Variants in CLNK observed in about 807,000 individuals in gnomAD.
CLNK encodes the protein cytokine-dependent hematopoietic cell linker.
A neutral mutation model predicts 68.6 loss-of-function variants in CLNK; 74 were observed. That is an observed-to-expected ratio of 1.08 (90% confidence interval 0.89 to 1.31). CLNK has a LOEUF of 1.31. CLNK is among the 50% of genes most tolerant of loss of function. CLNK has a pLI of 0.00. For missense variants in CLNK, 553 were observed against 515.3 expected, an observed-to-expected ratio of 1.07 and a Z score of -0.71; for synonymous variants, 198 against 172.2, an observed-to-expected ratio of 1.15 and a Z score of -1.17.
the CLNK span, among the ~76,000 whole-genome samples, chr4:10,720,540 C>A: frequency 6.6e-6 from 1 of 151,502 alleles, no homozygotes; most frequent in Non-Finnish European, 1.5e-5. Flanking sequence ...AATGAGTTAT[C>A]CCTACATACC....
At chr4:10,545,068 G>T (rs1027823045) in intron 8 of CLNK, among the ~76,000 whole-genome samples, 11 of 152,136 alleles carry the variant, frequency 7.2e-5, no homozygotes, top group South Asian at 2.1e-4. Flanking sequence ...TGAAGTTTCA[G>T]CATGAGTTTT....
At chr4:10,584,640 T>C (rs1392469254) in intron 4 of CLNK, among the ~76,000 whole-genome samples, 2 of 152,130 alleles carry the variant, frequency 1.3e-5, no homozygotes, top group Non-Finnish European at 2.9e-5. Flanking sequence ...CTTATACCCA[T>C]TGCACAGATG....
the CLNK span, among the ~76,000 whole-genome samples, chr4:10,721,385 C>A: frequency 1.3e-5 from 2 of 152,128 alleles, no homozygotes; most frequent in African/African-American, 4.8e-5. Flanking sequence ...CTGCATGAGA[C>A]TCTACAATCA....
the CLNK span, among the ~76,000 whole-genome samples, chr4:10,722,569 C>T: frequency 6.6e-6 from 1 of 152,154 alleles, no homozygotes; most frequent in Non-Finnish European, 1.5e-5. Context: ...ATAATGTTAC[C>T]AGTTGAGGGT....
chr4:10,657,140 G>T (rs181150647), intron 2 of CLNK, among the ~76,000 whole-genome samples: 1 of 152,286 alleles, frequency 6.6e-6, no homozygotes, highest in East Asian at 1.9e-4. Flanking sequence ...CTCATAGCTC[G>T]TAACTGGTAG....
chr4:10,568,859 G>A (rs957117646), intron 5 of CLNK, among the ~76,000 whole-genome samples: 1 of 152,178 alleles, frequency 6.6e-6, no homozygotes, highest in South Asian at 2.1e-4. Flanking sequence ...TCCACTGTGC[G>A]ATAATAAATG....
At chr4:10,670,157 G>A (rs1379210323) in intron 1 of CLNK, among the ~76,000 whole-genome samples, 1 of 152,190 alleles carries the variant, frequency 6.6e-6, no homozygotes, top group East Asian at 1.9e-4. Context: ...ACTATGAAAT[G>A]TTATGAAACA....
the CLNK span, among the ~76,000 whole-genome samples, chr4:10,693,062 G>A: frequency 1.4e-4 from 21 of 152,178 alleles, no homozygotes; most frequent in African/African-American, 5.1e-4. Context: ...TTCAGCTGGG[G>A]AAGAAGCACT....
intron 1 of CLNK, among the ~76,000 whole-genome samples, chr4:10,677,779 A>G (rs370001843): frequency 6.6e-6 from 1 of 152,110 alleles, no homozygotes; most frequent in East Asian, 1.9e-4. Flanking sequence ...TCCGTTATAA[A>G]CTACTCAGTC....
chr4:10,580,852 A>T (rs1720752462), intron 4 of CLNK, among the ~76,000 whole-genome samples: 1 of 152,168 alleles, frequency 6.6e-6, no homozygotes, highest in Non-Finnish European at 1.5e-5. Context: ...AAGAAAAAAT[A>T]TAGTTTTATC....
the CLNK span, among the ~76,000 whole-genome samples, chr4:10,691,598 C>T: frequency 0.8 from 120,813 of 151,608 alleles, 48,621 homozygotes; most frequent in Admixed American, 0.86. Context: ...TGACATTATC[C>T]ATAACAGCAA....
chr4:10,516,280 CT>C, intron 15 of CLNK, among the ~76,000 whole-genome samples: 1 of 152,128 alleles, frequency 6.6e-6, no homozygotes, highest in Middle Eastern at 3.4e-3. Flanking sequence ...GAATTATAAG[CT>C]TTTTAGTTGT....
intron 17 of CLNK, among the ~76,000 whole-genome samples, chr4:10,505,654 C>A (rs910826845): frequency 6.6e-6 from 1 of 152,180 alleles, no homozygotes; most frequent in Non-Finnish European, 1.5e-5. Context: ...TCCCATTCAT[C>A]TGACCTCACT....
At chr4:10,614,281 T>C (rs1346200387) in intron 2 of CLNK, among the ~76,000 whole-genome samples, 4 of 152,186 alleles carry the variant, frequency 2.6e-5, no homozygotes, top group Non-Finnish European at 4.4e-5. Flanking sequence ...GCTCAAATAA[T>C]GGTAAACACT....
chr4:10,711,989 C>G, the CLNK span, among the ~76,000 whole-genome samples: 1 of 152,026 alleles, frequency 6.6e-6, no homozygotes. Context: ...CAATGGATAT[C>G]GCGTTTCAAA....
At chr4:10,595,474 T>A (rs2869472) in intron 3 of CLNK, among the ~76,000 whole-genome samples, 134,685 of 152,214 alleles carry the variant, frequency 0.88, 59,858 homozygotes, top group East Asian at 0.93. Context: ...CAGGTCATGG[T>A]TAATGAATAT....
intron 3 of CLNK, among the ~76,000 whole-genome samples, chr4:10,586,884 C>G (rs1275833241): frequency 2.6e-5 from 4 of 152,006 alleles, no homozygotes; most frequent in Non-Finnish European, 1.5e-5. Context: ...GATTGAATTT[C>G]TTTTTTCCCA....
the CLNK span, among the ~76,000 whole-genome samples, chr4:10,734,718 T>C: frequency 6.6e-6 from 1 of 152,216 alleles, no homozygotes; most frequent in Admixed American, 6.5e-5. Flanking sequence ...TGTAAGGATC[T>C]TGGACTCTGG....
intron 4 of CLNK, among the ~76,000 whole-genome samples, chr4:10,575,020 A>G (rs1720507049): frequency 6.6e-6 from 1 of 152,162 alleles, no homozygotes; most frequent in Non-Finnish European, 1.5e-5. Context: ...TCCTGGCAGA[A>G]TAGAGCCCTT....
Sources: gnomAD v4.1 joint callset for allele counts (sites outside exome capture counted in the v4.1 genomes callset) on GRCh38, gnomAD v4.1.1 for gene constraint, MANE v1.5 for transcripts, NCBI Gene and HGNC (gene_info 2026-07-23, HGNC 2026-07-21) for gene names.